The following PDE12 variants were observed in gnomAD, a reference collection of about 807,000 sequenced individuals.
PDE12 encodes the protein 2',5'-phosphodiesterase 12.
In PDE12, 26 loss-of-function variants were observed where a neutral mutation model predicts 45.4. That is an observed-to-expected ratio of 0.57 (90% CI 0.42 to 0.79). The LOEUF is 0.79. PDE12 is among the 30% of genes least tolerant of loss of function. The pLI, the probability that PDE12 is intolerant of heterozygous loss-of-function variation, is 0.00. For missense variants in PDE12, 668 were observed against 790.0 expected, an observed-to-expected ratio of 0.85 and a Z score of 1.85; for synonymous variants, 283 against 323.9, an observed-to-expected ratio of 0.87 and a Z score of 1.36.
chr3:57,628,391 G>C, the PDE12 span: 12 of 1,587,544 alleles, frequency 7.6e-6, no homozygotes, highest in Non-Finnish European at 1.0e-5. Context: ...CTCAGAATCT[G>C]TATTAATACA....
chr3:57,595,176 G>T, the PDE12 span, among the ~76,000 whole-genome samples: 6 of 152,110 alleles, frequency 3.9e-5, no homozygotes, highest in Non-Finnish European at 8.8e-5. Context: ...GAAAATGCTG[G>T]TAGCATACTT....
chr3:57,559,557 C>T lies in PDE12; in HGVS notation c.1388-5C>T, dbSNP rs770945413. ...TACTTACATTAATGTTTTTTATATT[C>T]ATAGGTGGGTATATTCGCCTCATTC... On this transcript the variant is annotated splice_polypyrimidine_tract_variant and splice_region_variant and intron_variant, in intron 2 of 2. Transcript: ENST00000311180. 8 of 1,593,070 alleles carry T rather than the reference C, an allele frequency of 5.0e-6. No homozygotes were observed. Among genetic ancestry groups the T allele is most frequent in the East Asian group, 2.2e-5 (1 of 44,648 alleles).
the PDE12 span, chr3:57,629,007 C>T: frequency 1.4e-6 from 1 of 732,212 alleles, no homozygotes; most frequent in Non-Finnish European, 2.2e-6. Flanking sequence ...AGTATTTAAC[C>T]CAGATATAGC....
At chr3:57,572,076 G>T in the PDE12 span, 1 of 649,288 alleles carries the variant, frequency 1.5e-6, no homozygotes, top group Non-Finnish European at 2.7e-6. Flanking sequence ...AACAATAATT[G>T]GCAACAAAAT....
At chr3:57,649,594 T>C in the PDE12 span, among the ~76,000 whole-genome samples, 1 of 148,166 alleles carries the variant, frequency 6.7e-6, no homozygotes, top group African/African-American at 2.5e-5. Context: ...ATTGCAAAAA[T>C]ATGGAACAAG....
chr3:57,600,377 T>C, the PDE12 span, among the ~76,000 whole-genome samples: 1 of 151,270 alleles, frequency 6.6e-6, no homozygotes, highest in African/African-American at 2.4e-5. Context: ...TTTTCTTTCT[T>C]TCTCTTTCTT....
chr3:57,652,487 T>C, the PDE12 span, among the ~76,000 whole-genome samples: 8 of 152,166 alleles, frequency 5.3e-5, no homozygotes, highest in Non-Finnish European at 7.4e-5. Flanking sequence ...GAGCCAGAAC[T>C]ACCCACCTAA....
chr3:57,606,123 C>T, the PDE12 span, among the ~76,000 whole-genome samples: 8,882 of 152,086 alleles, frequency 0.058, 388 homozygotes, highest in Non-Finnish European at 0.093. Flanking sequence ...TTAAACCACA[C>T]GTATAGATGC....
At chr3:57,572,358 T>A in the PDE12 span, 1 of 1,246,850 alleles carries the variant, frequency 8.0e-7, no homozygotes, top group Non-Finnish European at 1.2e-6. Context: ...CACCAGTGTT[T>A]AAACTTTCTT....
chr3:57,558,052 G>A (rs1042026831), intron 1 of PDE12, among the ~76,000 whole-genome samples: 5 of 152,210 alleles, frequency 3.3e-5, no homozygotes, highest in Admixed American at 6.5e-5. Context: ...AGAGCGTGGT[G>A]TGTTTTGAAG....
the PDE12 span, among the ~76,000 whole-genome samples, chr3:57,611,773 T>C: frequency 1.7e-3 from 253 of 152,266 alleles, no homozygotes; most frequent in African/African-American, 5.7e-3. Flanking sequence ...AGGAACACTT[T>C]TACACTGTTG....
At chr3:57,579,269 A>AAAAAAAC in the PDE12 span, among the ~76,000 whole-genome samples, 5 of 150,494 alleles carry the variant, frequency 3.3e-5, no homozygotes, top group Non-Finnish European at 7.4e-5. Flanking sequence ...AAAAAAAAAA[A>AAAAAAAC]AAAAGGAACT....
the PDE12 span, among the ~76,000 whole-genome samples, chr3:57,601,743 CTTTTT>C: frequency 4.8e-5 from 5 of 103,734 alleles, no homozygotes; most frequent in African/African-American, 6.9e-5. Context: ...TTCTTTCCTT[CTTTTT>C]TTTTTTTTTT....
chr3:57,597,435 A>G, the PDE12 span: 2 of 261,256 alleles, frequency 7.7e-6, no homozygotes, highest in Non-Finnish European at 1.5e-5. Flanking sequence ...CGGCCCCTCC[A>G]ACGCGGACAG....
the PDE12 span, among the ~76,000 whole-genome samples, chr3:57,625,096 G>A: frequency 6.6e-6 from 1 of 152,058 alleles, no homozygotes; most frequent in Non-Finnish European, 1.5e-5. Flanking sequence ...TAGAGACGGG[G>A]TCTCACTTTG....
chr3:57,581,799 A>C, the PDE12 span, among the ~76,000 whole-genome samples: 2 of 152,354 alleles, frequency 1.3e-5, no homozygotes, highest in African/African-American at 4.8e-5. Context: ...TCTCAAAAAA[A>C]ATAAACAAAC....
At chr3:57,595,227 A>C in the PDE12 span, among the ~76,000 whole-genome samples, 1 of 152,332 alleles carries the variant, frequency 6.6e-6, no homozygotes, top group East Asian at 1.9e-4. Context: ...CAATCACAAA[A>C]GACTAAGGAA....
chr3:57,559,662 CT>C lies in PDE12; in HGVS notation c.1491del (p.Phe497LeufsTer44), dbSNP rs750260910. On this transcript the variant is annotated frameshift_variant, in exon 3 of 3. Transcript: ENST00000311180. LOFTEE classifies it high-confidence loss of function. Reference sequence around the variant, plus strand: ...GCATACCAGTTATATTTTGTGGGGACTTTAATAGTACACCATCAACAGGAAT... The same window carrying C: ...GCATACCAGTTATATTTTGTGGGGACTTAATAGTACACCATCAACAGGAAT... ...PGIPVIFCGD[F>X]NSTPSTGMYH... 1 of 1,614,132 alleles carries C rather than the reference CT, an allele frequency of 6.2e-7. No individual in the cohort carries two copies. The highest frequency in any genetic ancestry group is 8.5e-7 in the Non-Finnish European group (1 of 1,180,026).
downstream of PDE12, among the ~76,000 whole-genome samples, chr3:57,568,843 G>A (rs563221950): frequency 7.6e-6 from 1 of 131,844 alleles, no homozygotes; most frequent in African/African-American, 3.0e-5. Context: ...AAAAGACAAT[G>A]GGAAATGTTA....
Sources: gnomAD v4.1 joint callset for allele counts (sites outside exome capture counted in the v4.1 genomes callset) on GRCh38, gnomAD v4.1.1 for gene constraint, MANE v1.5 for transcripts, NCBI Gene and HGNC (gene_info 2026-07-23, HGNC 2026-07-21) for gene names.